CMTM6: variants seen among roughly 807,000 people sequenced by gnomAD.
The protein encoded by CMTM6 is CKLF like MARVEL transmembrane domain containing 6, also known as CKLF-like MARVEL transmembrane domain-containing protein 6.
CMTM6 carries 5 observed loss-of-function variants against 13.6 expected under a neutral mutation model. The observed-to-expected ratio is 0.37, with a 90% CI of 0.19 to 0.77. The LOEUF (loss-of-function observed/expected upper bound fraction) is 0.77. Ranked by LOEUF, CMTM6 falls within the 30% of genes least tolerant of loss-of-function variation. The probability of loss-of-function intolerance (pLI) is 0.50; values close to 1 mark genes in which losing one functional copy is unlikely to be tolerated. For missense variants in CMTM6, 196 were observed against 218.6 expected, an observed-to-expected ratio of 0.90 and a Z score of 0.65; for synonymous variants, 99 against 84.5, an observed-to-expected ratio of 1.17 and a Z score of -0.94.
At chr3:32,497,806 C>T (rs558049959) in intron 1 of CMTM6, among the ~76,000 whole-genome samples, 38 of 149,858 alleles carry the variant, frequency 2.5e-4, no homozygotes, top group South Asian at 8.4e-4. Flanking sequence ...TGCAATGAGC[C>T]GAGACTGCAC....
In CMTM6 at chr3:32,491,770, T is replaced by A; in HGVS notation, c.255A>T (p.Ile85=). The A allele has an allele frequency of 1.2e-6, 2 of 1,613,934 alleles. No individual in the cohort carries two copies. Among genetic ancestry groups the A allele is most frequent in the Non-Finnish European group, 1.7e-6 (2 of 1,179,920 alleles). The change falls in exon 2 of 4, where the codon ATA becomes ATT. Residue 85 remains isoleucine, a synonymous_variant. Coordinates refer to ENST00000205636, the MANE Select transcript of CMTM6 (RefSeq NM_017801.3). ...AAAATGGAGTGCAATACACAATCAG[T>A]ATAAGGAGACTCAGAAGAAAGGCAC... ...SCSAFLLSLL[I]LIVYCTPFYE...
At chr3:32,489,269 C>CA (rs34775532) in intron 2 of CMTM6, among the ~76,000 whole-genome samples, 56,947 of 94,372 alleles carry the variant, frequency 0.6, 16,247 homozygotes, top group African/African-American at 0.67. Context: ...GACTCCATCT[C>CA]AAAAAAAAAA....
At chr3:32,486,515 T>C (rs150503730) in intron 3 of CMTM6, among the ~76,000 whole-genome samples, 1 of 152,352 alleles carries the variant, frequency 6.6e-6, no homozygotes, top group African/African-American at 2.4e-5. Context: ...CAAGTGGTGT[T>C]GTGTAATATA....
chr3:32,482,802 TTCACAATCAAAA>T lies in CMTM6; in HGVS notation c.*1146_*1157del. On this transcript the variant is annotated 3_prime_UTR_variant, in exon 4 of 4. Transcript: ENST00000205636. ...ACTCTCAAGATCCTGCTACACAGTA[TTCACAATCAAAA>T]GGGCCCAAGATTCAGGACCACCTAA... 2 of 148,274 alleles carry T rather than the reference TTCACAATCAAAA, an allele frequency of 1.3e-5. No homozygotes were observed. Among genetic ancestry groups the T allele is most frequent in the Non-Finnish European group, 3.0e-5 (2 of 67,622 alleles). 9.2% of individuals were successfully genotyped at this position (148,274 alleles called of 1,614,324 possible).
chr3:32,499,388 G>A (rs1697325788), intron 1 of CMTM6, among the ~76,000 whole-genome samples: 1 of 152,150 alleles, frequency 6.6e-6, no homozygotes, highest in Non-Finnish European at 1.5e-5. Flanking sequence ...TGCCAGATGA[G>A]CGACTAGAAT....
At chr3:32,492,292 G>T in intron 1 of CMTM6, among the ~76,000 whole-genome samples, 1 of 151,430 alleles carries the variant, frequency 6.6e-6, no homozygotes, top group African/African-American at 2.4e-5. Context: ...CAGAAATGAG[G>T]GAGCATGGCA....
At chr3:32,485,765 C>CA (rs377663425) in intron 3 of CMTM6, among the ~76,000 whole-genome samples, 3 of 152,290 alleles carry the variant, frequency 2.0e-5, no homozygotes, top group African/African-American at 7.2e-5. Flanking sequence ...AAACTGTTGT[C>CA]ATATGAATAG....
intron 2 of CMTM6, among the ~76,000 whole-genome samples, chr3:32,489,586 A>T (rs1697234090): frequency 6.6e-6 from 1 of 151,874 alleles, no homozygotes; most frequent in African/African-American, 2.4e-5. Context: ...AGGAAGCACA[A>T]GGTTGCAGTG....
In CMTM6 at chr3:32,498,621, A is replaced by T. The variant is rs539412757; in HGVS notation, c.138+3987T>A. On this transcript the variant is annotated intron_variant, in intron 1 of 3. Coordinates refer to ENST00000205636, the MANE Select transcript of CMTM6 (RefSeq NM_017801.3). ...TCTTTTTTTTTTTTTTTTTTCTGAG[A>T]TGGAGTCTCGCTCTGTTGCCAGGCT... Among the ~76,000 whole-genome samples, 64 of 123,506 alleles carry T rather than the reference A, an allele frequency of 5.2e-4. 1 individual carries two copies. The South Asian group carries it at 0.015, about 28-fold the overall frequency. The allele number at this position is 123,506 out of a possible 152,430, so 81.0% of individuals were successfully genotyped here. A position where few individuals can be genotyped will look rare whatever the true frequency, so the allele number is the denominator to read the frequency against.
intron 1 of CMTM6, 49 bp downstream of exon 1, chr3:32,502,559 C>T (rs1178182096): frequency 6.4e-7 from 1 of 1,558,760 alleles, no homozygotes; most frequent in Middle Eastern, 1.8e-4. Flanking sequence ...AAGCCCGGGC[C>T]AGACCCCGCT....
At position 32,502,633 on chromosome 3, in the gene CMTM6, C is replaced by T. The variant is rs1439968352; in HGVS notation, c.113G>A (p.Arg38Gln). 6.3e-7 allele frequency: 1 copy of T among 1,597,296 alleles called. No individual in the cohort carries two copies. Among genetic ancestry groups the T allele is most frequent in the South Asian group, 1.1e-5 (1 of 88,440 alleles). Residue 38 changes from arginine to glutamine, a missense_variant, in exon 1 of 4, where the codon CGG (arginine) becomes CAG (glutamine). By Grantham distance (43) the Arg-to-Gln change is conservative. This residue lies in a region of CMTM6 where 85 missense variants were observed against 58.7 expected (regional missense o/e 1.45). Transcript: ENST00000205636. The stretch of plus-strand genomic sequence containing the variant: ...CAGCTGCAAGCCCTTGAGAACGCGC[C>T]GGAGCAATGGGAGCCGGCCCATGAA... ...YFFMGRLPLLRRVLKGLQLLL... is the reference protein window; with the variant it reads ...YFFMGRLPLLQRVLKGLQLLL...
intron 1 of CMTM6, among the ~76,000 whole-genome samples, chr3:32,501,057 G>A (rs1307424849): frequency 1.3e-5 from 2 of 151,212 alleles, no homozygotes; most frequent in Admixed American, 6.6e-5. Context: ...AAAATCAGCC[G>A]GGCATGGAGG....
At position 32,494,716 on chromosome 3, in the gene CMTM6, A is replaced by C. The variant is rs114164987; in HGVS notation, c.139-2830T>G. Among the ~76,000 whole-genome samples the C allele has an allele frequency of 7.4e-3, 1,132 of 152,348 alleles. 18 individuals carry two copies. Among genetic ancestry groups the C allele is most frequent in the African/African-American group, 0.026 (1,095 of 41,582 alleles). ...TTGATATATGTAATGTCCTAGATGA[A>C]TCTCCAGAGAATTATTCAAAGGAAA... On this transcript the variant is annotated intron_variant, in intron 1 of 3. Coordinates refer to ENST00000205636, the MANE Select transcript of CMTM6 (RefSeq NM_017801.3).
chr3:32,497,314 G>A (rs572408976), intron 1 of CMTM6, among the ~76,000 whole-genome samples: 2 of 150,202 alleles, frequency 1.3e-5, no homozygotes, highest in Admixed American at 6.6e-5. Context: ...AAACCCAGGA[G>A]GCAGAGCTTT....
At chr3:32,487,535 C>T (rs1697214857) in intron 3 of CMTM6, among the ~76,000 whole-genome samples, 1 of 152,118 alleles carries the variant, frequency 6.6e-6, no homozygotes, top group South Asian at 2.1e-4. Flanking sequence ...AACTCCATTA[C>T]AATTTTACTT....
chr3:32,495,578 G>A (rs916100929), intron 1 of CMTM6, among the ~76,000 whole-genome samples: 3 of 152,138 alleles, frequency 2.0e-5, no homozygotes, highest in Admixed American at 6.5e-5. Context: ...GAAGATACCA[G>A]CCTAAAACTC....
intron 1 of CMTM6, among the ~76,000 whole-genome samples, chr3:32,494,780 T>G (rs1425279213): frequency 6.6e-6 from 1 of 152,194 alleles, no homozygotes; most frequent in Admixed American, 6.5e-5. Flanking sequence ...ATTGCATGAT[T>G]CCATTCATAG....
At position 32,491,841 on chromosome 3, in the gene CMTM6, A is replaced by C; in HGVS notation, c.184T>G (p.Cys62Gly). Residue 62 changes from cysteine to glycine, a missense_variant, in exon 2 of 4, where the codon TGT becomes GGT. Transcript: ENST00000205636. ...AFICEEVVSQ[C>G]TLCGGLYFFE... ...AAATAAAGTCCTCCACATAAAGTAC[A>C]TTGTGATACAACTTCTTCACAGATG... 1.9e-6 allele frequency: 3 copies of C among 1,613,226 alleles called. No individual in the cohort carries two copies. The highest frequency in any genetic ancestry group is 2.5e-6 in the Non-Finnish European group (3 of 1,179,702).
chr3:32,493,437 G>T (rs181450432), intron 1 of CMTM6, among the ~76,000 whole-genome samples: 2 of 152,324 alleles, frequency 1.3e-5, no homozygotes, highest in Admixed American at 6.5e-5. Context: ...AAAAGGCAAG[G>T]GTGCTAGGGA....
Sources: allele counts gnomAD v4.1 joint callset (sites outside exome capture counted in the v4.1 genomes callset), GRCh38; gene constraint gnomAD v4.1.1; regional missense constraint gnomAD v4.1.1; transcripts MANE v1.5; gene names NCBI Gene and HGNC (gene_info 2026-07-23, HGNC 2026-07-21).